The following TENM4 variants were observed in gnomAD, a reference collection of about 807,000 sequenced individuals.
TENM4 encodes the protein teneurin-4.
A neutral mutation model predicts 243.3 loss-of-function variants in TENM4; 82 were observed. The ratio of observed to expected loss-of-function variants is 0.34; its 90% CI spans 0.28 to 0.40. TENM4 has a LOEUF of 0.40. Among genes scored for constraint, TENM4 ranks in the 10% least tolerant of loss-of-function variants. The pLI is 1.00. For synonymous variants in TENM4, 1,412 were observed against 1,456.3 expected, an observed-to-expected ratio of 0.97 and a Z score of 0.69; for missense variants, 3,138 against 3,673.3, an observed-to-expected ratio of 0.85 and a Z score of 3.77.
chr11:79,116,233 G>A (rs189807194), intron 4 of TENM4, among the ~76,000 whole-genome samples: 29 of 152,210 alleles, frequency 1.9e-4, no homozygotes, highest in East Asian at 7.7e-4. Flanking sequence ...TCACTTATTC[G>A]GTGACACTTT....
intron 6 of TENM4, among the ~76,000 whole-genome samples, chr11:79,001,784 A>G (rs966260211): frequency 2.6e-5 from 4 of 152,242 alleles, no homozygotes; most frequent in Non-Finnish European, 5.9e-5. Flanking sequence ...CCTACTTGCA[A>G]TGCAGCCTTG....
chr11:79,113,941 C>A (rs998626604), intron 4 of TENM4, among the ~76,000 whole-genome samples: 9 of 152,200 alleles, frequency 5.9e-5, no homozygotes, highest in African/African-American at 2.2e-4. Context: ...GACTCTTTCC[C>A]ATGAGTTAAG....
intron 4 of TENM4, among the ~76,000 whole-genome samples, chr11:79,087,114 T>C (rs1483730288): frequency 6.6e-6 from 1 of 152,202 alleles, no homozygotes; most frequent in Non-Finnish European, 1.5e-5. Context: ...TAATGGCTAA[T>C]TGAACAAATG....
At chr11:79,303,482 T>C (rs1159693782) in intron 1 of TENM4, among the ~76,000 whole-genome samples, 2 of 152,246 alleles carry the variant, frequency 1.3e-5, no homozygotes, top group Non-Finnish European at 2.9e-5. Flanking sequence ...GTGATAATCT[T>C]AGCTAACAAT....
intron 2 of TENM4, among the ~76,000 whole-genome samples, chr11:79,264,857 C>G (rs114143491): frequency 2.8e-4 from 42 of 152,286 alleles, no homozygotes; most frequent in African/African-American, 1.0e-3. Flanking sequence ...GACTTGGATG[C>G]CCTCTAAGTC....
chr11:79,141,963 A>C (rs1277320241), intron 4 of TENM4, among the ~76,000 whole-genome samples: 8 of 152,102 alleles, frequency 5.3e-5, no homozygotes, highest in Non-Finnish European at 1.2e-4. Context: ...AATTCTAAAA[A>C]ACTTGGTATA....
At chr11:78,689,502 A>G (rs1035197662) in intron 28 of TENM4, among the ~76,000 whole-genome samples, 1 of 148,930 alleles carries the variant, frequency 6.7e-6, no homozygotes, top group African/African-American at 2.5e-5. Context: ...TTTTGTTTTT[A>G]CCTCTGGGGT....
intron 2 of TENM4, among the ~76,000 whole-genome samples, chr11:79,233,334 A>G (rs973563407): frequency 6.6e-6 from 1 of 152,220 alleles, no homozygotes; most frequent in African/African-American, 2.4e-5. Flanking sequence ...TTGGATGGTT[A>G]AAGTACATGT....
At chr11:79,426,061 C>T (rs547321825) in intron 1 of TENM4, among the ~76,000 whole-genome samples, 1 of 152,344 alleles carries the variant, frequency 6.6e-6, no homozygotes, top group South Asian at 2.1e-4. Flanking sequence ...AATTTCCCCA[C>T]ACTATTTCCC....
chr11:79,195,486 A>T (rs1210183852), intron 3 of TENM4, among the ~76,000 whole-genome samples: 1 of 152,196 alleles, frequency 6.6e-6, no homozygotes, highest in Non-Finnish European at 1.5e-5. Context: ...GACCATGGGA[A>T]CCCAGCTCTT....
chr11:78,795,256 A>G (rs1268626508), intron 15 of TENM4, among the ~76,000 whole-genome samples: 1 of 152,132 alleles, frequency 6.6e-6, no homozygotes, highest in Non-Finnish European at 1.5e-5. Flanking sequence ...TGTCTAGAGA[A>G]CCCTGCCATC....
At chr11:79,103,953 G>A (rs762358923) in intron 4 of TENM4, among the ~76,000 whole-genome samples, 11 of 152,166 alleles carry the variant, frequency 7.2e-5, no homozygotes, top group Non-Finnish European at 7.3e-5. Flanking sequence ...GAAATAATAC[G>A]TTGTAATGGC....
intron 4 of TENM4, among the ~76,000 whole-genome samples, chr11:79,140,597 A>G (rs971222054): frequency 1.3e-5 from 2 of 152,072 alleles, no homozygotes; most frequent in African/African-American, 2.4e-5. Context: ...ACAGGGCTAC[A>G]TCTTGTTCTT....
chr11:78,950,692 A>T lies in TENM4; in HGVS notation c.494-47169T>A, dbSNP rs934529238. Among the ~76,000 whole-genome samples the T allele has an allele frequency of 5.3e-5, 8 of 152,372 alleles. 1 individual carries two copies. The East Asian group carries it at 1.4e-3, about 26-fold the overall frequency. ...ACGATAACTGGGCACTTTGCTAAGT[A>T]CTTCACATATATTATTTCACATTGA... On this transcript the variant is annotated intron_variant, in intron 6 of 33. Coordinates refer to ENST00000278550, the MANE Select transcript of TENM4 (RefSeq NM_001098816.3).
intron 1 of TENM4, among the ~76,000 whole-genome samples, chr11:79,324,651 C>T (rs1379053768): frequency 6.6e-6 from 1 of 152,038 alleles, no homozygotes; most frequent in Non-Finnish European, 1.5e-5. Context: ...CACAAATACA[C>T]ATATATATGT....
At chr11:79,315,344 G>T (rs1856785924) in intron 1 of TENM4, among the ~76,000 whole-genome samples, 1 of 152,146 alleles carries the variant, frequency 6.6e-6, no homozygotes, top group African/African-American at 2.4e-5. Context: ...AGACCAGAAG[G>T]TCCCCTCTGT....
intron 6 of TENM4, among the ~76,000 whole-genome samples, chr11:78,934,031 T>A (rs564145460): frequency 4.3e-4 from 65 of 152,246 alleles, no homozygotes; most frequent in African/African-American, 1.5e-3. Context: ...TTAGGAATTT[T>A]AAAATACCCC....
chr11:78,657,890 CTG>C lies in TENM4; in HGVS notation c.*166_*167del. The C allele has an allele frequency of 3.6e-6, 4 of 1,115,992 alleles. No homozygotes were observed. Among genetic ancestry groups the C allele is most frequent in the Non-Finnish European group, 5.3e-6 (4 of 752,298 alleles). The allele number at this position is 1,115,992 out of a possible 1,614,324, so 69.1% of individuals were successfully genotyped here. ...TGCAAAAAATGTGCGAAGGCCAAAT[CTG>C]TGTTTTTCTTTTCTAAAAAAAAGGA... is the stretch of plus-strand genomic sequence containing the variant. On this transcript the variant is annotated 3_prime_UTR_variant, in exon 34 of 34. Transcript: ENST00000278550.
chr11:79,130,337 C>G (rs567088137), intron 4 of TENM4, among the ~76,000 whole-genome samples: 1 of 152,270 alleles, frequency 6.6e-6, no homozygotes, highest in Admixed American at 6.5e-5. Context: ...ATCTTTAACA[C>G]CCCCCAAAAA....
Sources: allele counts gnomAD v4.1 joint callset (sites outside exome capture counted in the v4.1 genomes callset), GRCh38; gene constraint gnomAD v4.1.1; transcripts MANE v1.5; gene names NCBI Gene and HGNC (gene_info 2026-07-23, HGNC 2026-07-21).